ATF7IP2: variants seen among roughly 807,000 people sequenced by gnomAD.
ATF7IP2 encodes activating transcription factor 7 interacting protein 2.
In ATF7IP2, 42 loss-of-function variants were observed where a neutral mutation model predicts 64.2. That is an observed-to-expected ratio of 0.65 (90% CI 0.51 to 0.85). The LOEUF (loss-of-function observed/expected upper bound fraction) is 0.85, where lower values mean the gene tolerates loss of function less well. ATF7IP2 is among the 40% of genes least tolerant of loss of function. ATF7IP2 has a pLI of 0.00. For missense variants in ATF7IP2, 933 were observed against 784.2 expected (o/e 1.19, Z -2.27); for synonymous variants, 308 against 272.8 (o/e 1.13, Z -1.27).
chr16:10,438,887 T>C (rs886997467), intron 7 of ATF7IP2, among the ~76,000 whole-genome samples: 1 of 151,912 alleles, frequency 6.6e-6, no homozygotes, highest in African/African-American at 2.4e-5. Flanking sequence ...ACCCAATCTC[T>C]CCTAAAAATA....
Position 10,460,706 on chromosome 16 carries a change from T to C in ATF7IP2, c.1352+3177T>C, listed in dbSNP as rs575628489. ...TTGTAAAGCTATACAAAAAAACTCA[T>C]ATGGATTAAGGAACTAAAAATATCT... On this transcript the variant is annotated intron_variant, in intron 9 of 13. Coordinates refer to ENST00000562102, the MANE Select transcript of ATF7IP2 (RefSeq NM_001393719.1). Among the ~76,000 whole-genome samples the C allele has an allele frequency of 2.4e-4, 37 of 152,228 alleles. No individual in the cohort carries two copies. The South Asian group carries it at 6.4e-3, about 26-fold the overall frequency.
At chr16:10,403,782 C>G (rs1167256685) in intron 1 of ATF7IP2, among the ~76,000 whole-genome samples, 1 of 152,066 alleles carries the variant, frequency 6.6e-6, no homozygotes, top group Non-Finnish European at 1.5e-5. Context: ...CCAAACAGAA[C>G]TTTATGGCAA....
chr16:10,413,395 A>C (rs1422800422), intron 1 of ATF7IP2, among the ~76,000 whole-genome samples: 1 of 152,204 alleles, frequency 6.6e-6, no homozygotes, highest in Admixed American at 6.5e-5. Context: ...CCATGTCAGA[A>C]GTGCATTTTG....
intron 12 of ATF7IP2, among the ~76,000 whole-genome samples, chr16:10,479,914 A>G (rs1289930236): frequency 6.8e-6 from 1 of 146,880 alleles, no homozygotes; most frequent in Non-Finnish European, 1.5e-5. Flanking sequence ...CCACCATTGT[A>G]GAAAACAGTC....
chr16:10,471,016 T>C (rs1297279409), intron 9 of ATF7IP2, among the ~76,000 whole-genome samples: 2 of 152,094 alleles, frequency 1.3e-5, no homozygotes, highest in African/African-American at 4.8e-5. Flanking sequence ...ATAGGTATGT[T>C]GACCAGTGGA....
At chr16:10,433,282 C>A (rs772472830) in intron 5 of ATF7IP2, among the ~76,000 whole-genome samples, 4 of 152,084 alleles carry the variant, frequency 2.6e-5, no homozygotes, top group Non-Finnish European at 5.9e-5. Context: ...CTCAAGCAAT[C>A]CTCTCACCTC....
chr16:10,459,131 C>G (rs181917933), intron 9 of ATF7IP2, among the ~76,000 whole-genome samples: 48 of 151,108 alleles, frequency 3.2e-4, no homozygotes, highest in Non-Finnish European at 6.3e-4. Context: ...GTCGGGAGTT[C>G]GAGACTAGCC....
Position 10,457,507 on chromosome 16 carries a change from C to G in ATF7IP2, c.1330C>G (p.Gln444Glu), listed in dbSNP as rs781546339. 1 of 1,581,392 alleles carries G rather than the reference C, an allele frequency of 6.3e-7. No individual in the cohort carries two copies. Among genetic ancestry groups the G allele is most frequent in the African/African-American group, 1.4e-5 (1 of 73,220 alleles). ...GSKKINLSSD[Q>E]NKSVSESNND... ...TAAAAAAATTAATTTGTCATCAGAT[C>G]AAAATAAGTCTGTTTCTGAAAGGTA... Residue 444 changes from glutamine to glutamate, a missense_variant, in exon 9 of 14, where the codon CAA becomes GAA. By Grantham distance (29) the Gln-to-Glu change is conservative. Coordinates refer to ENST00000562102, the MANE Select transcript of ATF7IP2 (RefSeq NM_001393719.1).
chr16:10,420,791 C>T (rs550045721), intron 3 of ATF7IP2, among the ~76,000 whole-genome samples: 6 of 152,296 alleles, frequency 3.9e-5, no homozygotes, highest in African/African-American at 1.2e-4. Flanking sequence ...ATAGGCATAT[C>T]GAAGGCAGTC....
chr16:10,429,576 T>A (rs1021205876), intron 4 of ATF7IP2, among the ~76,000 whole-genome samples: 2 of 152,162 alleles, frequency 1.3e-5, no homozygotes, highest in Admixed American at 6.5e-5. Context: ...CCTGAACTCC[T>A]GACCTCAGGT....
chr16:10,437,504 T>C (rs1026926962), intron 6 of ATF7IP2, among the ~76,000 whole-genome samples: 1 of 152,270 alleles, frequency 6.6e-6, no homozygotes, highest in Non-Finnish European at 1.5e-5. Context: ...CTTTTGCGTA[T>C]TACCTTATGT....
chr16:10,437,328 C>G (rs1489124334), intron 6 of ATF7IP2, among the ~76,000 whole-genome samples: 1 of 152,202 alleles, frequency 6.6e-6, no homozygotes, highest in East Asian at 1.9e-4. Flanking sequence ...TGGCTTCTTT[C>G]AGTTTTAGCA....
intron 1 of ATF7IP2, among the ~76,000 whole-genome samples, chr16:10,406,578 T>C (rs1245579044): frequency 6.6e-6 from 1 of 152,162 alleles, no homozygotes; most frequent in Non-Finnish European, 1.5e-5. Flanking sequence ...TTATGCAGAC[T>C]ATGAAAAAGA....
chr16:10,473,254 A>G (rs1299916843), intron 10 of ATF7IP2, among the ~76,000 whole-genome samples: 1 of 152,236 alleles, frequency 6.6e-6, no homozygotes, highest in Non-Finnish European at 1.5e-5. Flanking sequence ...AGAGTTACTA[A>G]TATAGTTGCA....
At chr16:10,433,849 G>A (rs760405876) in intron 6 of ATF7IP2, among the ~76,000 whole-genome samples, 200 bp downstream of exon 6, 8 of 152,176 alleles carry the variant, frequency 5.3e-5, no homozygotes, top group Non-Finnish European at 8.8e-5. Context: ...CTTGAAAATG[G>A]TCTCATGCAG....
chr16:10,432,172 C>G (rs969047025), intron 5 of ATF7IP2, among the ~76,000 whole-genome samples: 3 of 151,880 alleles, frequency 2.0e-5, no homozygotes, highest in Admixed American at 1.3e-4. Flanking sequence ...ACCTGTAAAT[C>G]ACATGCTAAG....
At chr16:10,473,590 A>T (rs1217037551) in intron 11 of ATF7IP2, 56 bp downstream of exon 11, 1 of 1,252,136 alleles carries the variant, frequency 8.0e-7, no homozygotes, top group African/African-American at 1.5e-5. Context: ...TAGTTCAAGG[A>T]ACTTTAGTGT....
rs769530624 is a variant in ATF7IP2, at chr16:10,482,182, T to C, written c.1982T>C (p.Ile661Thr). The change falls in exon 14 of 14, where the codon ATT becomes ACT. Residue 661 changes from isoleucine to threonine, a missense_variant. Transcript: ENST00000562102. ...TATTTTACTGTCCAATCAAAAGATA[T>C]TTTTGGACGATATGGACCATTCTGT... ...RYYFTVQSKDIFGRYGPFCDI... is the reference protein window; with the variant it reads ...RYYFTVQSKDTFGRYGPFCDI... 3.1e-5 allele frequency: 50 copies of C among 1,613,022 alleles called. No homozygotes were observed. Among genetic ancestry groups the C allele is most frequent in the Non-Finnish European group, 4.2e-5 (49 of 1,179,212 alleles).
At chr16:10,426,612 G>C (rs2048090583) in intron 3 of ATF7IP2, among the ~76,000 whole-genome samples, 1 of 152,128 alleles carries the variant, frequency 6.6e-6, no homozygotes, top group African/African-American at 2.4e-5. Context: ...CCATGGTATA[G>C]CACCGTGTCC....
Sources: allele counts gnomAD v4.1 joint callset (sites outside exome capture counted in the v4.1 genomes callset), GRCh38; gene constraint gnomAD v4.1.1; transcripts MANE v1.5; gene names NCBI Gene and HGNC (gene_info 2026-07-23, HGNC 2026-07-21).